PPM1D: variants seen among roughly 807,000 people sequenced by gnomAD.
PPM1D encodes the protein protein phosphatase, Mg2+/Mn2+ dependent 1D.
PPM1D carries 52 observed loss-of-function variants against 58.3 expected under a neutral mutation model. The observed-to-expected ratio is 0.89, with a 90% CI of 0.71 to 1.12. PPM1D has a LOEUF of 1.12. PPM1D is among the 50% of genes most tolerant of loss of function. The pLI, the probability that PPM1D is intolerant of heterozygous loss-of-function variation, is 0.00. For synonymous variants in PPM1D, 278 were observed against 285.1 expected, an observed-to-expected ratio of 0.98 and a Z score of 0.25; for missense variants, 564 against 777.2, an observed-to-expected ratio of 0.73 and a Z score of 3.26.
intron 2 of PPM1D, among the ~76,000 whole-genome samples, chr17:60,627,281 A>G (rs1474363597): frequency 2.0e-5 from 3 of 152,092 alleles, no homozygotes; most frequent in Non-Finnish European, 4.4e-5. Flanking sequence ...TGTTTTTGAC[A>G]TGATCTCACT....
At chr17:60,634,971 G>T (rs1395544578) in intron 3 of PPM1D, among the ~76,000 whole-genome samples, 5 of 151,610 alleles carry the variant, frequency 3.3e-5, no homozygotes. Flanking sequence ...AAGGAGACGG[G>T]GTCTCACTGT....
At chr17:60,630,659 A>G (rs542683603) in intron 2 of PPM1D, among the ~76,000 whole-genome samples, 55 of 152,300 alleles carry the variant, frequency 3.6e-4, no homozygotes, top group Non-Finnish European at 6.3e-4. Context: ...TTGTTACTAG[A>G]TGTTGAAACT....
intron 2 of PPM1D, among the ~76,000 whole-genome samples, chr17:60,630,425 C>G (rs545403304): frequency 6.6e-6 from 1 of 152,218 alleles, no homozygotes; most frequent in South Asian, 2.1e-4. Flanking sequence ...TATTTTGGAG[C>G]AGGTAACTTT....
chr17:60,647,943 A>C lies in PPM1D; in HGVS notation c.878A>C (p.Glu293Ala). 6.2e-7 allele frequency: 1 copy of C among 1,613,626 alleles called. No individual in the cohort carries two copies. Among genetic ancestry groups the C allele is most frequent in the Non-Finnish European group, 8.5e-7 (1 of 1,179,580 alleles). ...AGTGGTGAATTTGTGGTGTCACCTG[A>C]ACCAGACACAAGTGTCCACACTCTT... ...FFSGEFVVSPEPDTSVHTLDP... is the reference protein window; with the variant it reads ...FFSGEFVVSPAPDTSVHTLDP... The change falls in exon 4 of 6, where the codon GAA becomes GCA. Residue 293 changes from glutamate (E) to alanine (A), a missense_variant. By Grantham distance (107) the Glu-to-Ala change is moderately radical. Coordinates refer to ENST00000305921, the MANE Select transcript of PPM1D (RefSeq NM_003620.4).
At chr17:60,628,779 G>GA (rs201587127) in intron 2 of PPM1D, among the ~76,000 whole-genome samples, 49 of 146,462 alleles carry the variant, frequency 3.3e-4, no homozygotes, top group Admixed American at 1.2e-3. Flanking sequence ...GTAGTATTAT[G>GA]AAAAAAAAAA....
rs530091364 is a variant in PPM1D, at chr17:60,619,044, T to C, written c.473-4477T>C. 1.4e-4 allele frequency among the ~76,000 whole-genome samples: 21 copies of C among 152,292 alleles called. No individual in the cohort carries two copies. The East Asian group carries it at 4.0e-3, about 29-fold the overall frequency. ...TGTTTGACCAACATCTCCCCACTTC[T>C]CCTAACCCCTAATCCCTGGCAACCG... On this transcript the variant is annotated intron_variant, in intron 1 of 5. Transcript: ENST00000305921.
At chr17:60,620,524 T>G (rs1282928005) in intron 1 of PPM1D, among the ~76,000 whole-genome samples, 1 of 152,000 alleles carries the variant, frequency 6.6e-6, no homozygotes, top group African/African-American at 2.4e-5. Context: ...CTGTTTTTTT[T>G]GTTTGTTTGT....
intron 5 of PPM1D, 84 bp downstream of exon 5, chr17:60,656,925 C>G: frequency 6.2e-7 from 1 of 1,603,474 alleles, no homozygotes; most frequent in South Asian, 1.1e-5. Flanking sequence ...TTTTTAAATT[C>G]TTACAGGATT....
intron 3 of PPM1D, among the ~76,000 whole-genome samples, chr17:60,642,447 CAG>C (rs536632378): frequency 2.7e-5 from 4 of 147,578 alleles, no homozygotes; most frequent in African/African-American, 1.0e-4. Flanking sequence ...ACAGCAGATT[CAG>C]AGAGACTCCA....
intron 2 of PPM1D, among the ~76,000 whole-genome samples, chr17:60,633,551 C>A (rs2030969072): frequency 6.6e-6 from 1 of 151,986 alleles, no homozygotes; most frequent in Non-Finnish European, 1.5e-5. Flanking sequence ...TGTCAACCCC[C>A]AATTGTTTAC....
chr17:60,600,223 C>A lies in PPM1D; in HGVS notation c.-192C>A, dbSNP rs574652069. On this transcript the variant is annotated 5_prime_UTR_variant, in exon 1 of 6. Coordinates refer to ENST00000305921, the MANE Select transcript of PPM1D (RefSeq NM_003620.4). ...GCAGGCGCAACTGCCTGGCTCTGCT[C>A]GCTCCGGCGCTCCGGCCCAGCTCTC... 1.7e-6 allele frequency: 2 copies of A among 1,161,666 alleles called. No homozygotes were observed. The highest frequency in any genetic ancestry group is 3.0e-5 in the Admixed American group (1 of 33,694). 72.0% of individuals were successfully genotyped at this position (1,161,666 alleles called of 1,614,324 possible). A position where few individuals can be genotyped will look rare whatever the true frequency, so the allele number is the denominator to read the frequency against.
chr17:60,615,368 C>A (rs1400639010), intron 1 of PPM1D, among the ~76,000 whole-genome samples: 1 of 152,016 alleles, frequency 6.6e-6, no homozygotes, highest in Non-Finnish European at 1.5e-5. Flanking sequence ...CAAGATCATG[C>A]CACTGCATTG....
In PPM1D at chr17:60,604,273, TA is replaced by T. The variant is rs150246714; in HGVS notation, c.472+3388del. Reference sequence around the variant, plus strand: ...CTAGTTCACTGTTGTGGATACACATTATCCAAAATGTATTTTTCAAGCAACA... The same window carrying T: ...CTAGTTCACTGTTGTGGATACACATTTCCAAAATGTATTTTTCAAGCAACA... On this transcript the variant is annotated intron_variant, in intron 1 of 5. Transcript: ENST00000305921. Among the ~76,000 whole-genome samples the T allele has an allele frequency of 2.6e-5, 4 of 152,332 alleles. No homozygotes were observed. The East Asian group carries it at 7.7e-4, about 29-fold the overall frequency.
intron 2 of PPM1D, among the ~76,000 whole-genome samples, chr17:60,626,387 T>TG (rs1017717792): frequency 2.6e-5 from 4 of 151,700 alleles, no homozygotes; most frequent in Non-Finnish European, 5.9e-5. Flanking sequence ...TGTGTTTTTT[T>TG]GGGGTTTTTT....
intron 1 of PPM1D, among the ~76,000 whole-genome samples, chr17:60,614,027 C>T (rs575366912): frequency 6.6e-6 from 1 of 152,354 alleles, no homozygotes; most frequent in East Asian, 1.9e-4. Context: ...AGTGTGGGCG[C>T]AAGGCCCGGG....
At chr17:60,662,855 TAGA>T (rs2031548468) in intron 5 of PPM1D, 137 bp from the exon 6 acceptor site, 3 of 720,266 alleles carry the variant, frequency 4.2e-6, no homozygotes, top group East Asian at 5.2e-5. Context: ...GTTCAGTAAA[TAGA>T]AGGTGAACGA....
At chr17:60,608,136 A>G (rs1195206229) in intron 1 of PPM1D, among the ~76,000 whole-genome samples, 2 of 152,210 alleles carry the variant, frequency 1.3e-5, no homozygotes, top group Non-Finnish European at 2.9e-5. Flanking sequence ...CATATTACTT[A>G]TCAAGTTCAA....
chr17:60,656,750 A>T lies in PPM1D; in HGVS notation c.1169A>T (p.Glu390Val). 1.9e-6 allele frequency: 3 copies of T among 1,614,222 alleles called. No homozygotes were observed. Among genetic ancestry groups the T allele is most frequent in the Non-Finnish European group, 1.7e-6 (2 of 1,180,038 alleles). Reference protein sequence around the residue: ...DNQGNFTNEDELYLNLTDSPS... With the variant: ...DNQGNFTNEDVLYLNLTDSPS... ...CAGGGAAACTTTACCAATGAAGATG[A>T]GTTATACCTGAACCTGACTGACAGC... is the stretch of plus-strand genomic sequence containing the variant. Residue 390 changes from glutamate to valine, a missense_variant, in exon 5 of 6, where the codon GAG (glutamate) becomes GTG (valine). Coordinates refer to ENST00000305921, the MANE Select transcript of PPM1D (RefSeq NM_003620.4).
chr17:60,620,132 A>G (rs981283705), intron 1 of PPM1D, among the ~76,000 whole-genome samples: 1 of 151,858 alleles, frequency 6.6e-6, no homozygotes, highest in African/African-American at 2.4e-5. Flanking sequence ...CCCAGTGGCT[A>G]GGATTACAGG....
Sources: gnomAD v4.1 joint callset for allele counts (sites outside exome capture counted in the v4.1 genomes callset) on GRCh38, gnomAD v4.1.1 for gene constraint, MANE v1.5 for transcripts, NCBI Gene and HGNC (gene_info 2026-07-23, HGNC 2026-07-21) for gene names.